MAF: variants seen among roughly 807,000 people sequenced by gnomAD.
The protein encoded by MAF is transcription factor Maf.
MAF carries 10 observed loss-of-function variants against 22.0 expected under a neutral mutation model. The ratio of observed to expected loss-of-function variants is 0.45; its 90% CI spans 0.28 to 0.77. The LOEUF (loss-of-function observed/expected upper bound fraction) is 0.77. Among genes scored for constraint, MAF ranks in the 30% least tolerant of loss-of-function variants. The pLI is 0.12. For synonymous variants in MAF, 337 were observed against 255.8 expected (o/e 1.32, Z -3.03); for missense variants, 544 against 548.4 (o/e 0.99, Z 0.08).
At chr16:79,464,821 G>T in the MAF span, among the ~76,000 whole-genome samples, 1 of 152,172 alleles carries the variant, frequency 6.6e-6, no homozygotes, top group Non-Finnish European at 1.5e-5. Flanking sequence ...ACAGCAGATG[G>T]CGAATATGAC....
chr16:79,272,173 T>G, the MAF span, among the ~76,000 whole-genome samples: 1 of 152,332 alleles, frequency 6.6e-6, no homozygotes, highest in Admixed American at 6.5e-5. Context: ...TTCAGCTTGA[T>G]GTGGCGTCTC....
the MAF span, among the ~76,000 whole-genome samples, chr16:79,358,981 G>C: frequency 6.6e-6 from 1 of 152,184 alleles, no homozygotes; most frequent in East Asian, 1.9e-4. Context: ...TAGAGTGCCG[G>C]AATGAACAGA....
At chr16:79,487,456 A>T in the MAF span, among the ~76,000 whole-genome samples, 4 of 152,158 alleles carry the variant, frequency 2.6e-5, no homozygotes, top group Non-Finnish European at 5.9e-5. Flanking sequence ...ATCTTATTGT[A>T]TTATTTAATC....
At chr16:79,407,225 G>A in the MAF span, among the ~76,000 whole-genome samples, 1 of 152,144 alleles carries the variant, frequency 6.6e-6, no homozygotes, top group Non-Finnish European at 1.5e-5. Flanking sequence ...TGTCCTGGAC[G>A]CGTTGCGCAA....
Position 79,594,108 on chromosome 16 carries a change from T to G in MAF, c.*352A>C, listed in dbSNP as rs1423151535. ...AGAATGTGCATGCCTATATATGATT[T>G]TAAAATGCTAATTGTTGCATTCCGG... is the stretch of plus-strand genomic sequence containing the variant. On this transcript the variant is annotated 3_prime_UTR_variant, in exon 2 of 2. Coordinates refer to ENST00000326043, the MANE Select transcript of MAF (RefSeq NM_005360.5). 11 of 307,884 alleles carry G rather than the reference T, an allele frequency of 3.6e-5. No individual in the cohort carries two copies. The highest frequency in any genetic ancestry group is 4.5e-5 in the Admixed American group (1 of 22,138). The allele number at this position is 307,884 out of a possible 1,614,324, so 19.1% of individuals were successfully genotyped here.
At chr16:79,344,120 G>T in the MAF span, among the ~76,000 whole-genome samples, 1 of 152,214 alleles carries the variant, frequency 6.6e-6, no homozygotes, top group African/African-American at 2.4e-5. Flanking sequence ...CTGGAAGATG[G>T]AAGCTGGTGT....
chr16:79,547,442 C>T, the MAF span, among the ~76,000 whole-genome samples: 4 of 152,038 alleles, frequency 2.6e-5, no homozygotes, highest in African/African-American at 9.7e-5. Flanking sequence ...GAATGTTTAA[C>T]CTGTATTCTA....
the MAF span, among the ~76,000 whole-genome samples, chr16:79,531,621 T>C: frequency 6.6e-6 from 1 of 152,174 alleles, no homozygotes; most frequent in East Asian, 1.9e-4. Context: ...ACAACCTAGA[T>C]CCCTTGCATA....
chr16:79,449,611 C>T, the MAF span, among the ~76,000 whole-genome samples: 59 of 152,314 alleles, frequency 3.9e-4, no homozygotes, highest in African/African-American at 9.1e-4. Flanking sequence ...CGCCGGCCTA[C>T]AGCAGGACAG....
the MAF span, among the ~76,000 whole-genome samples, chr16:79,517,002 C>T: frequency 4.6e-5 from 7 of 152,190 alleles, no homozygotes; most frequent in African/African-American, 1.7e-4. Flanking sequence ...CTTCTAGGAT[C>T]TGTGAATGGA....
At chr16:79,466,056 C>G in the MAF span, among the ~76,000 whole-genome samples, 1 of 152,214 alleles carries the variant, frequency 6.6e-6, no homozygotes, top group Admixed American at 6.5e-5. Flanking sequence ...GTGAGAATTT[C>G]AAGCTTAGAA....
At chr16:79,454,211 A>T in the MAF span, among the ~76,000 whole-genome samples, 1 of 152,256 alleles carries the variant, frequency 6.6e-6, no homozygotes, top group African/African-American at 2.4e-5. Context: ...GGAGAGGCTG[A>T]ACTTCATATC....
chr16:79,385,310 T>G, the MAF span, among the ~76,000 whole-genome samples: 2 of 152,260 alleles, frequency 1.3e-5, no homozygotes, highest in Non-Finnish European at 2.9e-5. Flanking sequence ...CTCATTGGAT[T>G]ACACTGAGAA....
chr16:79,558,840 G>A, the MAF span, among the ~76,000 whole-genome samples: 1 of 152,116 alleles, frequency 6.6e-6, no homozygotes, highest in East Asian at 1.9e-4. Context: ...TATAATAGGG[G>A]CTCCTGATTC....
chr16:79,532,452 C>A, the MAF span, among the ~76,000 whole-genome samples: 3 of 152,194 alleles, frequency 2.0e-5, no homozygotes, highest in African/African-American at 7.2e-5. Flanking sequence ...CATTTCAGTG[C>A]AGTTTATCTC....
chr16:79,388,291 A>G, the MAF span, among the ~76,000 whole-genome samples: 1 of 152,104 alleles, frequency 6.6e-6, no homozygotes, highest in South Asian at 2.1e-4. Flanking sequence ...TAGAAAGTTC[A>G]TATTTCTGGG....
At chr16:79,205,712 T>C in the MAF span, 1 of 152,216 alleles carries the variant, frequency 6.6e-6, no homozygotes, top group African/African-American at 2.4e-5. Flanking sequence ...CAGGAAGTAT[T>C]TGCATGTGTC....
the MAF span, among the ~76,000 whole-genome samples, chr16:79,321,861 G>T: frequency 6.6e-6 from 1 of 151,944 alleles, no homozygotes; most frequent in Admixed American, 6.6e-5. Context: ...GGCTGACAGG[G>T]TGTATGTGCT....
chr16:79,339,036 G>T, the MAF span, among the ~76,000 whole-genome samples: 2 of 151,710 alleles, frequency 1.3e-5, no homozygotes, highest in African/African-American at 4.8e-5. Context: ...CTGGGTCAAG[G>T]CTTTTTAATT....
Sources: allele counts gnomAD v4.1 joint callset (sites outside exome capture counted in the v4.1 genomes callset), GRCh38; gene constraint gnomAD v4.1.1; transcripts MANE v1.5; gene names NCBI Gene and HGNC (gene_info 2026-07-23, HGNC 2026-07-21).